Variants in GDA observed in about 807,000 individuals in gnomAD.
GDA encodes the protein guanine deaminase.
A neutral mutation model predicts 59.6 loss-of-function variants in GDA; 18 were observed. The ratio of observed to expected loss-of-function variants is 0.30; its 90% CI spans 0.21 to 0.45. GDA has a LOEUF of 0.45. GDA is among the 20% of genes least tolerant of loss of function. GDA has a pLI of 1.00. For synonymous variants in GDA, 201 were observed against 201.1 expected (o/e 1.00, Z 0.00); for missense variants, 427 against 552.3 (o/e 0.77, Z 2.27).
At chr9:72,132,643 C>G (rs551706429) in intron 1 of GDA, among the ~76,000 whole-genome samples, 28 of 152,160 alleles carry the variant, frequency 1.8e-4, no homozygotes, top group African/African-American at 6.3e-4. Context: ...GACCTGTACC[C>G]CCAAAAATGC....
At chr9:72,240,333 A>G (rs1839473283) in intron 10 of GDA, among the ~76,000 whole-genome samples, 1 of 152,206 alleles carries the variant, frequency 6.6e-6, no homozygotes, top group African/African-American at 2.4e-5. Context: ...CAAGGTTAGG[A>G]TAAATTTTTA....
chr9:72,181,895 T>C (rs1381734207), intron 1 of GDA, among the ~76,000 whole-genome samples: 2 of 152,156 alleles, frequency 1.3e-5, no homozygotes, highest in Non-Finnish European at 2.9e-5. Context: ...TAAAAAATGA[T>C]TCAAAAAGTT....
rs746514805 is a variant in GDA, at chr9:72,250,561, G to A, written c.*2219G>A. On this transcript the variant is annotated 3_prime_UTR_variant, in exon 14 of 14. Transcript: ENST00000358399. ...TTATGTGTTTTATTTCTCCAAGTGC[G>A]GTGTTCCTGAATGTTATGTATGCTT... 71 of 1,453,412 alleles carry A rather than the reference G, an allele frequency of 4.9e-5. No individual in the cohort carries two copies. The highest frequency in any genetic ancestry group is 5.7e-5 in the African/African-American group (4 of 69,910). 90.0% of individuals were successfully genotyped at this position (1,453,412 alleles called of 1,614,324 possible). A position where few individuals can be genotyped will look rare whatever the true frequency, so the allele number is the denominator to read the frequency against.
chr9:72,131,214 A>G (rs533337697), intron 1 of GDA, among the ~76,000 whole-genome samples: 1 of 152,290 alleles, frequency 6.6e-6, no homozygotes, highest in South Asian at 2.1e-4. Context: ...AAGGGGTTCA[A>G]ATAGGAAGAT....
At chr9:72,210,921 A>G (rs1197267835) in intron 4 of GDA, 147 bp downstream of exon 4, 2 of 604,898 alleles carry the variant, frequency 3.3e-6, no homozygotes, top group Non-Finnish European at 2.9e-6. Context: ...TTACGTGTCT[A>G]TATGTCACTG....
intron 1 of GDA, among the ~76,000 whole-genome samples, chr9:72,185,350 T>C (rs1034589037): frequency 5.9e-5 from 9 of 152,242 alleles, no homozygotes; most frequent in Admixed American, 1.3e-4. Flanking sequence ...TGTTTCTTTC[T>C]GAAATGAGAA....
chr9:72,203,451 G>C (rs1834269907), intron 3 of GDA, among the ~76,000 whole-genome samples: 1 of 152,166 alleles, frequency 6.6e-6, no homozygotes, highest in Non-Finnish European at 1.5e-5. Flanking sequence ...TGGCAGTAGT[G>C]TGTACCAGCC....
At chr9:72,197,356 T>C (rs925427113) in intron 2 of GDA, 2 of 152,228 alleles carry the variant, frequency 1.3e-5, no homozygotes, top group Non-Finnish European at 2.9e-5. Flanking sequence ...ATATAGTAGC[T>C]TCTGCTGTTA....
At position 72,250,787 on chromosome 9, in the gene GDA, C is replaced by T. The variant is rs41310055; in HGVS notation, c.*2445C>T. 0.025 allele frequency: 40,396 copies of T among 1,608,784 alleles called. 644 individuals carry two copies. The highest frequency in any genetic ancestry group is 0.029 in the Non-Finnish European group (34,678 of 1,176,302). ...TCACTTACCAGCCTCCTCACCCCATCCTCCACCATTTCCTTAATGTTCCAT... is the reference window on the plus strand; with the variant it reads ...TCACTTACCAGCCTCCTCACCCCATTCTCCACCATTTCCTTAATGTTCCAT... On this transcript the variant is annotated 3_prime_UTR_variant, in exon 14 of 14. Transcript: ENST00000358399.
chr9:72,195,450 CTG>C (rs1423299138), intron 1 of GDA, 48 bp from the exon 2 acceptor site: 1 of 645,278 alleles, frequency 1.5e-6, no homozygotes. Flanking sequence ...AAACAAATGA[CTG>C]TGACTCACTA....
chr9:72,122,322 G>T (rs947235789), intron 1 of GDA, among the ~76,000 whole-genome samples: 2 of 152,054 alleles, frequency 1.3e-5, no homozygotes, highest in Non-Finnish European at 2.9e-5. Context: ...TGCATCTCTG[G>T]GCTCTGGGCA....
In GDA at chr9:72,250,970, G is replaced by T; in HGVS notation, c.*2628G>T. On this transcript the variant is annotated 3_prime_UTR_variant, in exon 14 of 14. Coordinates refer to ENST00000358399, the MANE Select transcript of GDA (RefSeq NM_004293.5). ...CGAGAGGGAAACATGGGAAGTAAAA[G>T]ATTAGGATGTGAAAGGTTGTCCTAA... The T allele has an allele frequency of 1.4e-6, 1 of 711,380 alleles. No individual in the cohort carries two copies. The allele number at this position is 711,380 out of a possible 1,614,324, so 44.1% of individuals were successfully genotyped here.
rs1840680059 is a variant in GDA at position 72,251,498 on chromosome 9, C to T, written c.*3156C>T. On this transcript the variant is annotated 3_prime_UTR_variant, in exon 14 of 14. Transcript: ENST00000358399. The stretch of plus-strand genomic sequence containing the variant: ...TCTTAGACATCTTTTCATTGTTGTC[C>T]ATTTTTAAAGTTGATGATTGCTGGA... The T allele has an allele frequency of 6.6e-6, 1 of 152,062 alleles. No homozygotes were observed. The highest frequency in any genetic ancestry group is 6.6e-5 in the Admixed American group (1 of 15,244). 9.4% of individuals were successfully genotyped at this position (152,062 alleles called of 1,614,324 possible). A position where few individuals can be genotyped will look rare whatever the true frequency, so the allele number is the denominator to read the frequency against.
rs571179596 is a variant in GDA at position 72,168,628 on chromosome 9, A to G, written c.123+18946A>G. On this transcript the variant is annotated intron_variant, in intron 1 of 13. Coordinates refer to ENST00000358399, the MANE Select transcript of GDA (RefSeq NM_004293.5). ...GGCTGGTCTCAGTCTCCTGGCTTTA[A>G]GTGATCTGCCCACCTTGGCCTCCCA... Among the ~76,000 whole-genome samples the G allele has an allele frequency of 3.3e-5, 5 of 152,170 alleles. No homozygotes were observed. The South Asian group carries it at 1.0e-3, about 32-fold the overall frequency.
intron 1 of GDA, among the ~76,000 whole-genome samples, chr9:72,137,578 G>T (rs1294157411): frequency 3.9e-5 from 6 of 151,966 alleles, no homozygotes; most frequent in African/African-American, 1.5e-4. Flanking sequence ...AATTTTCTAA[G>T]ACTCTGTGGT....
chr9:72,250,518 C>G lies in GDA; in HGVS notation c.*2176C>G. ...GAAATATTTATATGTACTTTGATCT[C>G]TCCACATCACTTATAACTTATGTGT... On this transcript the variant is annotated 3_prime_UTR_variant, in exon 14 of 14. Coordinates refer to ENST00000358399, the MANE Select transcript of GDA (RefSeq NM_004293.5). 7.1e-7 allele frequency: 1 copy of G among 1,402,218 alleles called. No homozygotes were observed. Among genetic ancestry groups the G allele is most frequent in the Non-Finnish European group, 9.3e-7 (1 of 1,078,254 alleles). The allele number at this position is 1,402,218 out of a possible 1,614,324, so 86.9% of individuals were successfully genotyped here. A position where few individuals can be genotyped will look rare whatever the true frequency, so the allele number is the denominator to read the frequency against.
At chr9:72,192,751 A>T (rs779646512) in intron 1 of GDA, among the ~76,000 whole-genome samples, 3 of 151,550 alleles carry the variant, frequency 2.0e-5, no homozygotes, top group Non-Finnish European at 4.4e-5. Flanking sequence ...GTGGTGGTGC[A>T]GGCTTGTTAT....
chr9:72,139,524 G>A (rs888657087), intron 1 of GDA, among the ~76,000 whole-genome samples: 5 of 152,110 alleles, frequency 3.3e-5, no homozygotes, highest in African/African-American at 1.2e-4. Flanking sequence ...ATAAAAATGG[G>A]AAGAGTCATT....
intron 1 of GDA, among the ~76,000 whole-genome samples, chr9:72,121,639 C>G (rs11795115): frequency 6.6e-6 from 1 of 152,018 alleles, no homozygotes; most frequent in Non-Finnish European, 1.5e-5. Flanking sequence ...TTGTGTTATT[C>G]TGCCCTTGTT....
Sources: gnomAD v4.1 joint callset for allele counts (sites outside exome capture counted in the v4.1 genomes callset) on GRCh38, gnomAD v4.1.1 for gene constraint, MANE v1.5 for transcripts, NCBI Gene and HGNC (gene_info 2026-07-23, HGNC 2026-07-21) for gene names.